The following CLASP2 variants were observed in gnomAD, a reference collection of about 807,000 sequenced individuals.
The protein encoded by CLASP2 is cytoplasmic linker associated protein 2, also known as CLIP-associating protein 2.
A neutral mutation model predicts 194.4 loss-of-function variants in CLASP2; 47 were observed. The observed-to-expected ratio is 0.24, with a 90% CI of 0.19 to 0.31. CLASP2 has a LOEUF of 0.31. CLASP2 is among the 10% of genes least tolerant of loss of function. The pLI is 1.00. For missense variants in CLASP2, 1,445 were observed against 1,823.6 expected, an observed-to-expected ratio of 0.79 and a Z score of 3.78; for synonymous variants, 619 against 633.5, an observed-to-expected ratio of 0.98 and a Z score of 0.34.
At chr3:33,580,113 A>G (rs1049429056) in intron 23 of CLASP2, among the ~76,000 whole-genome samples, 1 of 152,184 alleles carries the variant, frequency 6.6e-6, no homozygotes, top group Non-Finnish European at 1.5e-5. Flanking sequence ...CCACAGAGGG[A>G]AAAGAAAGAG....
chr3:33,682,773 AAAAAACAAAAAC>A (rs747891539), intron 6 of CLASP2, among the ~76,000 whole-genome samples: 6 of 152,278 alleles, frequency 3.9e-5, no homozygotes, highest in South Asian at 2.1e-4. Context: ...TGACTAATTT[AAAAAACAAAAAC>A]AAAAACAAAA....
At chr3:33,580,348 G>A (rs539481599) in intron 23 of CLASP2, among the ~76,000 whole-genome samples, 2 of 152,146 alleles carry the variant, frequency 1.3e-5, no homozygotes, top group Admixed American at 1.3e-4. Flanking sequence ...GATCACCTGA[G>A]GTCAGGAGTT....
At chr3:33,713,012 CAAAAAAAAAAA>C (rs57940200) in intron 1 of CLASP2, among the ~76,000 whole-genome samples, 21 of 46,990 alleles carry the variant, frequency 4.5e-4, no homozygotes, top group Non-Finnish European at 5.9e-4. Context: ...AACTCCACCT[CAAAAAAAAAAA>C]AAAAAAAAAA....
At chr3:33,570,239 T>A (rs2063489974) in intron 26 of CLASP2, among the ~76,000 whole-genome samples, 1 of 152,214 alleles carries the variant, frequency 6.6e-6, no homozygotes, top group Non-Finnish European at 1.5e-5. Context: ...ACTACTTCAA[T>A]GTAAGAAATG....
chr3:33,540,054 G>A (rs556325285), intron 32 of CLASP2, among the ~76,000 whole-genome samples: 12 of 150,940 alleles, frequency 8.0e-5, no homozygotes, highest in East Asian at 2.0e-4. Flanking sequence ...TCAGCCTCCC[G>A]AGTAGCTGGG....
intron 1 of CLASP2, 94 bp from the exon 2 acceptor site, chr3:33,697,027 T>C: frequency 1.4e-6 from 1 of 723,770 alleles, no homozygotes; most frequent in Non-Finnish European, 2.3e-6. Flanking sequence ...TCTTCATAAA[T>C]ATATTACATT....
intron 36 of CLASP2, among the ~76,000 whole-genome samples, chr3:33,511,836 G>A (rs2049937717): frequency 1.1e-5 from 1 of 90,538 alleles, no homozygotes; most frequent in Non-Finnish European, 2.2e-5. Flanking sequence ...TCAGAGAAAT[G>A]CAAATCAAAA....
intron 23 of CLASP2, among the ~76,000 whole-genome samples, chr3:33,580,777 G>T (rs1207587565): frequency 1.3e-5 from 2 of 151,828 alleles, no homozygotes; most frequent in Admixed American, 1.3e-4. Context: ...GCACTTTGGG[G>T]GGCCGAGGCG....
intron 6 of CLASP2, among the ~76,000 whole-genome samples, chr3:33,679,881 G>A (rs1025974930): frequency 6.6e-6 from 1 of 152,132 alleles, no homozygotes; most frequent in African/African-American, 2.4e-5. Flanking sequence ...GCATTCTTTG[G>A]TATTTACCCA....
intron 8 of CLASP2, 40 bp from the exon 9 acceptor site, chr3:33,632,411 T>C: frequency 1.4e-6 from 2 of 1,388,464 alleles, no homozygotes; most frequent in Non-Finnish European, 2.0e-6. Context: ...AGGTTCATTT[T>C]TAAGCATCTT....
chr3:33,702,159 A>C (rs987518313), intron 1 of CLASP2, among the ~76,000 whole-genome samples: 2 of 152,180 alleles, frequency 1.3e-5, no homozygotes, highest in African/African-American at 4.8e-5. Context: ...ATGAAAATTC[A>C]AGGGGCCCAG....
intron 34 of CLASP2, among the ~76,000 whole-genome samples, chr3:33,522,965 G>C (rs1375520990): frequency 2.0e-5 from 3 of 152,046 alleles, no homozygotes; most frequent in Non-Finnish European, 4.4e-5. Flanking sequence ...AGTCCCAGCT[G>C]CTGGGGAGGC....
chr3:33,688,164 C>T (rs908772498), intron 4 of CLASP2, 113 bp downstream of exon 4: 1 of 686,508 alleles, frequency 1.5e-6, no homozygotes, highest in Non-Finnish European at 2.3e-6. Context: ...AAGTTATATG[C>T]TTTAATAATT....
At chr3:33,520,610 A>G (rs2052736797) in intron 34 of CLASP2, among the ~76,000 whole-genome samples, 1 of 152,006 alleles carries the variant, frequency 6.6e-6, no homozygotes, top group African/African-American at 2.4e-5. Flanking sequence ...GATCTGTGCA[A>G]GTAAGGAGGT....
rs1056110549 is a variant in CLASP2 at position 33,619,622 on chromosome 3, G to A, written c.1298C>T (p.Ala433Val). The change falls in exon 12 of 39, where the codon GCA becomes GTA. Residue 433 changes from alanine to valine, a missense_variant. Physicochemically the swap from Ala to Val is moderately conservative, Grantham distance 64. Transcript: ENST00000682230. ...AKVMATSGCA[A>V]IRFIIRHTHV... ...ACCTACCCGAATGATAAATCTGATT[G>A]CTGCACATCCAGAAGTTGCCATGAC... is the stretch of plus-strand genomic sequence containing the variant. The A allele has an allele frequency of 6.4e-7, 1 of 1,550,642 alleles. No individual in the cohort carries two copies. The highest frequency in any genetic ancestry group is 1.4e-5 in the African/African-American group (1 of 72,982).
chr3:33,616,669 C>T (rs140595793), intron 12 of CLASP2, among the ~76,000 whole-genome samples: 38 of 150,160 alleles, frequency 2.5e-4, no homozygotes, highest in Non-Finnish European at 1.3e-4. Context: ...ATTTAATTAA[C>T]GTTAAATATG....
At chr3:33,543,147 C>T in intron 32 of CLASP2, among the ~76,000 whole-genome samples, 1 of 152,138 alleles carries the variant, frequency 6.6e-6, no homozygotes, top group Admixed American at 6.5e-5. Context: ...CCGAGGCGGG[C>T]AGATCACCTA....
chr3:33,524,775 TAAC>T (rs2054047910), intron 34 of CLASP2, among the ~76,000 whole-genome samples: 1 of 152,102 alleles, frequency 6.6e-6, no homozygotes, highest in African/African-American at 2.4e-5. Flanking sequence ...CAAGAATAAA[TAAC>T]AACTATAAAC....
intron 1 of CLASP2, among the ~76,000 whole-genome samples, chr3:33,714,392 G>GT (rs2093187367): frequency 6.6e-6 from 1 of 152,094 alleles, no homozygotes; most frequent in South Asian, 2.1e-4. Context: ...ATCTCAACTT[G>GT]TAACAGTCTT....
Sources: allele counts gnomAD v4.1 joint callset (sites outside exome capture counted in the v4.1 genomes callset), GRCh38; gene constraint gnomAD v4.1.1; transcripts MANE v1.5; gene names NCBI Gene and HGNC (gene_info 2026-07-23, HGNC 2026-07-21).